HRH1: variants seen among roughly 807,000 people sequenced by gnomAD.
HRH1 encodes the protein histamine H1 receptor.
HRH1 carries 6 observed loss-of-function variants against 10.3 expected under a neutral mutation model. The ratio of observed to expected loss-of-function variants is 0.58; its 90% CI spans 0.32 to 1.15. The LOEUF (loss-of-function observed/expected upper bound fraction) is 1.15, where lower values mean the gene tolerates loss of function less well. Among genes scored for constraint, HRH1 ranks in the 50% most tolerant of loss-of-function variants. The pLI is 0.05. For missense variants in HRH1, 514 were observed against 615.3 expected (o/e 0.84, Z 1.74); for synonymous variants, 242 against 236.7 (o/e 1.02, Z -0.21).
chr3:11,260,484 C>G lies in HRH1; in HGVS notation c.1447C>G (p.Leu483Val). The change falls in exon 2 of 2, where the codon CTG (leucine) becomes GTG (valine). Residue 483 changes from leucine (L) to valine (V), a missense_variant. Physicochemically the swap from Leu to Val is conservative, Grantham distance 32. Transcript: ENST00000431010. Reference sequence around the variant, plus strand: ...CTTCAAGAAGACATTCAAGAGAATTCTGCATATTCGCTCCTAAGGGAGGCT... The same window carrying G: ...CTTCAAGAAGACATTCAAGAGAATTGTGCATATTCGCTCCTAAGGGAGGCT... ...ENFKKTFKRI[L>V]HIRS is the part of the protein sequence containing the mutation. 4 of 1,602,398 alleles carry G rather than the reference C, an allele frequency of 2.5e-6. No individual in the cohort carries two copies. Among genetic ancestry groups the G allele is most frequent in the Non-Finnish European group, 3.4e-6 (4 of 1,173,272 alleles).
chr3:11,144,477 A>ACGTCTATAGGTATATATACC (rs1471746216), intron 1 of HRH1, among the ~76,000 whole-genome samples: 5 of 149,046 alleles, frequency 3.4e-5, no homozygotes, highest in Non-Finnish European at 6.0e-5. Context: ...ATATAGACAT[A>ACGTCTATAGGTATATATACC]TATATACACA....
chr3:11,241,282 ACG>A lies in HRH1; in HGVS notation c.-35-17720_-35-17719del, dbSNP rs1443934933. ...TGACATTGTCCTGTACAAACAAACCACGTACGTCTTCTATAAATTTCATCATA... is the reference window on the plus strand; with the variant it reads ...TGACATTGTCCTGTACAAACAAACCATACGTCTTCTATAAATTTCATCATA... On this transcript the variant is annotated intron_variant, in intron 1 of 1. Coordinates refer to ENST00000431010, the MANE Select transcript of HRH1 (RefSeq NM_001098212.2). 2.7e-4 allele frequency among the ~76,000 whole-genome samples: 17 copies of A among 63,742 alleles called. No homozygotes were observed. In the South Asian group the frequency reaches 4.6e-3, roughly 17 times the overall value. 41.8% of individuals were successfully genotyped at this position (63,742 alleles called of 152,430 possible).
chr3:11,250,113 G>A lies in HRH1; in HGVS notation c.-35-8890G>A, dbSNP rs571636229. 1.4e-3 allele frequency among the ~76,000 whole-genome samples: 171 copies of A among 125,502 alleles called. 1 individual carries two copies. Among genetic ancestry groups the A allele is most frequent in the African/African-American group, 4.4e-3 (145 of 33,252 alleles). The allele number at this position is 125,502 out of a possible 152,430, so 82.3% of individuals were successfully genotyped here. On this transcript the variant is annotated intron_variant, in intron 1 of 1. Transcript: ENST00000431010. ...GCTGGAGTGCAGTGGCGCGATCTCCGCTCACTGCAGGCTCCGACTCCCGCG... is the reference window on the plus strand; with the variant it reads ...GCTGGAGTGCAGTGGCGCGATCTCCACTCACTGCAGGCTCCGACTCCCGCG...
At chr3:11,139,866 G>A (rs1396738368) in intron 1 of HRH1, among the ~76,000 whole-genome samples, 2 of 152,172 alleles carry the variant, frequency 1.3e-5, no homozygotes, top group Admixed American at 1.3e-4. Flanking sequence ...TGTTTTTTGG[G>A]ATGATGGAAA....
intron 1 of HRH1, among the ~76,000 whole-genome samples, chr3:11,247,708 A>G (rs1575041128): frequency 6.6e-6 from 1 of 152,138 alleles, no homozygotes; most frequent in African/African-American, 2.4e-5. Context: ...ATCTCTGACA[A>G]TTTCCCCCTC....
upstream of HRH1, among the ~76,000 whole-genome samples, chr3:11,149,499 A>C (rs1280178707): frequency 6.6e-6 from 1 of 152,254 alleles, no homozygotes; most frequent in African/African-American, 2.4e-5. Context: ...ATCTGTTAGA[A>C]GGCACGAAAG....
At chr3:11,183,049 C>T (rs1026928085) in intron 1 of HRH1, among the ~76,000 whole-genome samples, 4 of 152,230 alleles carry the variant, frequency 2.6e-5, no homozygotes, top group African/African-American at 9.7e-5. Flanking sequence ...GGAAGATGCA[C>T]TCCTCCCGCC....
chr3:11,177,982 A>G (rs1260416298), intron 1 of HRH1, among the ~76,000 whole-genome samples: 2 of 152,094 alleles, frequency 1.3e-5, no homozygotes, highest in African/African-American at 4.8e-5. Flanking sequence ...TTTCTTCTCA[A>G]CATGCATGCA....
In HRH1 at chr3:11,142,972, G is replaced by C. The variant is rs144517255; in HGVS notation, c.-36+5573G>C. On this transcript the variant is annotated intron_variant, in intron 1 of 1. Coordinates refer to the HRH1 transcript ENST00000438284. The stretch of plus-strand genomic sequence containing the variant: ...GTCCGTGGCAAGATCTAAGGGATGA[G>C]TGTCCCAGGCATAGAGAACAGCGAG... Among the ~76,000 whole-genome samples, 752 of 152,238 alleles carry C rather than the reference G, an allele frequency of 4.9e-3. 8 individuals are homozygous for C. The highest frequency in any genetic ancestry group is 0.017 in the African/African-American group (717 of 41,554).
chr3:11,255,364 G>A (rs963794704), intron 1 of HRH1, among the ~76,000 whole-genome samples: 3 of 152,244 alleles, frequency 2.0e-5, no homozygotes, highest in African/African-American at 4.8e-5. Context: ...AGGCCAGGGA[G>A]CTGAGAGCCA....
intron 1 of HRH1, among the ~76,000 whole-genome samples, chr3:11,255,245 C>CAAATTA (rs1399311529): frequency 1.3e-5 from 2 of 151,972 alleles, no homozygotes; most frequent in East Asian, 1.9e-4. Flanking sequence ...AACTCCGTCT[C>CAAATTA]AAATTAAAAT....
intron 1 of HRH1, among the ~76,000 whole-genome samples, chr3:11,255,877 C>T (rs549081871): frequency 1.3e-5 from 2 of 152,336 alleles, no homozygotes; most frequent in Admixed American, 6.5e-5. Flanking sequence ...CCCAACTTGA[C>T]TTTTCCCTTT....
chr3:11,169,951 G>C (rs542816515), intron 1 of HRH1, among the ~76,000 whole-genome samples: 1 of 152,072 alleles, frequency 6.6e-6, no homozygotes, highest in African/African-American at 2.4e-5. Context: ...ACACTGTCCC[G>C]CAACTCTCAC....
chr3:11,220,142 A>G (rs1017032057), intron 1 of HRH1, among the ~76,000 whole-genome samples: 1 of 151,756 alleles, frequency 6.6e-6, no homozygotes, highest in African/African-American at 2.4e-5. Context: ...AATAGTAATT[A>G]CCTCCTAGCA....
chr3:11,157,004 G>C (rs967810128), intron 1 of HRH1, among the ~76,000 whole-genome samples: 1 of 152,236 alleles, frequency 6.6e-6, no homozygotes, highest in Non-Finnish European at 1.5e-5. Context: ...TAGACACTCA[G>C]CAAACGCTGG....
intron 1 of HRH1, among the ~76,000 whole-genome samples, chr3:11,209,410 G>C (rs536022020): frequency 1.3e-5 from 2 of 152,152 alleles, no homozygotes; most frequent in Non-Finnish European, 2.9e-5. Flanking sequence ...CCTAGATTGT[G>C]ATGCTAATTT....
chr3:11,214,150 G>A (rs913130801), intron 1 of HRH1, among the ~76,000 whole-genome samples: 1 of 152,162 alleles, frequency 6.6e-6, no homozygotes, highest in African/African-American at 2.4e-5. Context: ...AAACAGGAGG[G>A]GGAGGGGAAA....
intron 1 of HRH1, among the ~76,000 whole-genome samples, chr3:11,188,822 C>T (rs935093049): frequency 1.3e-5 from 2 of 152,114 alleles, no homozygotes; most frequent in Admixed American, 1.3e-4. Flanking sequence ...ACAGCCAAAA[C>T]GGCATCATCC....
intron 1 of HRH1, among the ~76,000 whole-genome samples, chr3:11,216,879 CA>C (rs1330028618): frequency 1.0e-4 from 14 of 136,390 alleles, no homozygotes; most frequent in Admixed American, 1.5e-4. Flanking sequence ...GATTCTGTCT[CA>C]AAAAAAAAAG....
Sources: allele counts gnomAD v4.1 joint callset (sites outside exome capture counted in the v4.1 genomes callset), GRCh38; gene constraint gnomAD v4.1.1; transcripts MANE v1.5; gene names NCBI Gene and HGNC (gene_info 2026-07-23, HGNC 2026-07-21).